Variants in GALNT13 observed in about 807,000 individuals in gnomAD.
GALNT13 encodes the protein polypeptide N-acetylgalactosaminyltransferase 13, also known as UDP-GalNAc:polypeptide N-acetylgalactosaminyltransferase 13.
Under a neutral mutation model 64.2 loss-of-function variants are expected in GALNT13, and 28 were observed. The observed-to-expected ratio is 0.44, with a 90% confidence interval of 0.32 to 0.60. GALNT13 has a LOEUF of 0.60. Ranked by LOEUF, GALNT13 falls within the 20% of genes least tolerant of loss-of-function variation. The probability of loss-of-function intolerance (pLI) is 0.05; values close to 1 mark genes in which losing one functional copy is unlikely to be tolerated. For missense variants in GALNT13, 577 were observed against 669.8 expected, an observed-to-expected ratio of 0.86 and a Z score of 1.53; for synonymous variants, 214 against 224.6, an observed-to-expected ratio of 0.95 and a Z score of 0.42.
the GALNT13 span, among the ~76,000 whole-genome samples, chr2:153,390,774 C>T: frequency 4.6e-5 from 7 of 152,056 alleles, no homozygotes; most frequent in South Asian, 2.1e-4. Flanking sequence ...GGACCACTTA[C>T]GATTCCCGGC....
chr2:153,828,992 A>G, the GALNT13 span, among the ~76,000 whole-genome samples: 1 of 152,194 alleles, frequency 6.6e-6, no homozygotes, highest in African/African-American at 2.4e-5. Context: ...AAGCATAACA[A>G]GAGTCACCTT....
intron 2 of GALNT13, among the ~76,000 whole-genome samples, chr2:153,911,312 G>A (rs944837425): frequency 3.3e-5 from 5 of 152,118 alleles, no homozygotes; most frequent in Admixed American, 1.3e-4. Context: ...CATTGTATGT[G>A]TGATAGGTCT....
chr2:154,359,869 T>C (rs1559112088), intron 9 of GALNT13, among the ~76,000 whole-genome samples: 1 of 152,114 alleles, frequency 6.6e-6, no homozygotes, highest in Non-Finnish European at 1.5e-5. Flanking sequence ...GAATTATAAG[T>C]TAGAATGGCT....
the GALNT13 span, among the ~76,000 whole-genome samples, chr2:153,650,208 C>G: frequency 1.3e-5 from 2 of 152,078 alleles, no homozygotes; most frequent in African/African-American, 4.8e-5. Context: ...GATCCCTTTC[C>G]CATTATGTAA....
At chr2:153,884,785 A>ATATATG (rs1450308010) in intron 1 of GALNT13, among the ~76,000 whole-genome samples, 7 of 122,504 alleles carry the variant, frequency 5.7e-5, no homozygotes, top group African/African-American at 1.0e-4. Context: ...ATATATATAT[A>ATATATG]TGTGTGTGTA....
At chr2:153,295,527 TAA>T in the GALNT13 span, among the ~76,000 whole-genome samples, 66,896 of 139,722 alleles carry the variant, frequency 0.48, 15,897 homozygotes, top group African/African-American at 0.54. Flanking sequence ...CTGGAGTACC[TAA>T]AAAAAAAAAA....
At chr2:153,649,120 T>C in the GALNT13 span, among the ~76,000 whole-genome samples, 1 of 152,186 alleles carries the variant, frequency 6.6e-6, no homozygotes, top group African/African-American at 2.4e-5. Flanking sequence ...GGTAAGCTAT[T>C]AATTATTGCC....
At chr2:154,119,424 T>G (rs1277509928) in intron 3 of GALNT13, among the ~76,000 whole-genome samples, 1 of 152,166 alleles carries the variant, frequency 6.6e-6, no homozygotes, top group African/African-American at 2.4e-5. Flanking sequence ...TGGGTTGAAT[T>G]TGACTGAGCT....
At chr2:153,467,566 C>T in the GALNT13 span, among the ~76,000 whole-genome samples, 1 of 151,984 alleles carries the variant, frequency 6.6e-6, no homozygotes, top group African/African-American at 2.4e-5. Context: ...ACCTGTATGA[C>T]CTTGGAAAAA....
chr2:153,482,558 C>A, the GALNT13 span, among the ~76,000 whole-genome samples: 1 of 152,206 alleles, frequency 6.6e-6, no homozygotes, highest in East Asian at 1.9e-4. Flanking sequence ...CAACCTCCGC[C>A]TCCCAGGTTC....
the GALNT13 span, among the ~76,000 whole-genome samples, chr2:153,106,184 C>T: frequency 1.3e-5 from 2 of 152,174 alleles, no homozygotes; most frequent in Non-Finnish European, 2.9e-5. Flanking sequence ...CCCTTGACAA[C>T]ACTTGGATTT....
chr2:153,659,573 G>A, the GALNT13 span, among the ~76,000 whole-genome samples: 10 of 152,164 alleles, frequency 6.6e-5, no homozygotes, highest in Admixed American at 4.6e-4. Flanking sequence ...ACTATGACAA[G>A]TTCTTTAAAG....
chr2:153,356,909 T>G, the GALNT13 span, among the ~76,000 whole-genome samples: 1 of 148,514 alleles, frequency 6.7e-6, no homozygotes, highest in South Asian at 2.2e-4. Flanking sequence ...CCCATTCTCC[T>G]GCCTCAGCCT....
At chr2:153,671,662 G>A in the GALNT13 span, among the ~76,000 whole-genome samples, 1 of 152,166 alleles carries the variant, frequency 6.6e-6, no homozygotes, top group African/African-American at 2.4e-5. Context: ...AAAATAAACA[G>A]CTAGCATCAT....
At chr2:153,964,494 C>A (rs1406588291) in intron 3 of GALNT13, among the ~76,000 whole-genome samples, 2 of 152,000 alleles carry the variant, frequency 1.3e-5, no homozygotes, top group Non-Finnish European at 2.9e-5. Context: ...TCAGTACTCT[C>A]TTGTACATTT....
chr2:153,305,069 CA>C, the GALNT13 span, among the ~76,000 whole-genome samples: 3 of 151,950 alleles, frequency 2.0e-5, no homozygotes, highest in African/African-American at 7.3e-5. Context: ...TTCAGGCATT[CA>C]AAAATATATT....
At chr2:153,712,787 T>C in the GALNT13 span, among the ~76,000 whole-genome samples, 3 of 152,170 alleles carry the variant, frequency 2.0e-5, no homozygotes, top group Non-Finnish European at 2.9e-5. Flanking sequence ...ATGAAAGCCA[T>C]CATTGGAGCA....
chr2:153,301,133 C>G, the GALNT13 span, among the ~76,000 whole-genome samples: 1 of 151,810 alleles, frequency 6.6e-6, no homozygotes, highest in Non-Finnish European at 1.5e-5. Context: ...GAGGTTGAGG[C>G]TGGAGTGAGC....
chr2:154,333,261 T>A (rs1574103728), intron 9 of GALNT13, among the ~76,000 whole-genome samples: 2 of 152,142 alleles, frequency 1.3e-5, no homozygotes, highest in African/African-American at 4.8e-5. Context: ...ATAGTTGTAT[T>A]CGAAACTATA....
Sources: gnomAD v4.1 joint callset for allele counts (sites outside exome capture counted in the v4.1 genomes callset) on GRCh38, gnomAD v4.1.1 for gene constraint, MANE v1.5 for transcripts, NCBI Gene and HGNC (gene_info 2026-07-23, HGNC 2026-07-21) for gene names.